The following LRRC8A variants were observed in gnomAD, a reference collection of about 807,000 sequenced individuals.
LRRC8A encodes volume-regulated anion channel subunit LRRC8A.
In LRRC8A, 24 loss-of-function variants were observed where a neutral mutation model predicts 52.5. The observed-to-expected ratio is 0.46, with a 90% CI of 0.33 to 0.64. The LOEUF (loss-of-function observed/expected upper bound fraction) is 0.64. Among genes scored for constraint, LRRC8A ranks in the 30% least tolerant of loss-of-function variants. The probability of loss-of-function intolerance (pLI) is 0.02; values close to 1 mark genes in which losing one functional copy is unlikely to be tolerated. For synonymous variants in LRRC8A, 492 were observed against 494.2 expected (o/e 1.00, Z 0.06); for missense variants, 677 against 1,094.7 (o/e 0.62, Z 5.38).
chr9:128,894,912 A>C (rs1288307252), intron 2 of LRRC8A, among the ~76,000 whole-genome samples: 1 of 152,058 alleles, frequency 6.6e-6, no homozygotes, highest in African/African-American at 2.4e-5. Context: ...TATTAAGTAC[A>C]TTCATATTGT....
At chr9:128,893,212 G>GA (rs2130955913) in intron 2 of LRRC8A, among the ~76,000 whole-genome samples, 1 of 152,224 alleles carries the variant, frequency 6.6e-6, no homozygotes, top group Admixed American at 6.5e-5. Context: ...GGTTCTGCGA[G>GA]TCCTGGGGGG....
chr9:128,908,735 C>T lies in LRRC8A; in HGVS notation c.1571C>T (p.Thr524Met), dbSNP rs572471752. Residue 524 changes from threonine (T) to methionine (M), a missense_variant, in exon 3 of 4, where the codon ACG (threonine) becomes ATG (methionine). Coordinates refer to ENST00000372600, the MANE Select transcript of LRRC8A (RefSeq NM_019594.4). ...SLKTLEELHLTGNLSAENNRY... is the reference protein window; with the variant it reads ...SLKTLEELHLMGNLSAENNRY... ...AAGACACTGGAGGAGCTGCACCTGACGGGCAACCTGAGCGCGGAGAACAAC... is the reference window on the plus strand; with the variant it reads ...AAGACACTGGAGGAGCTGCACCTGATGGGCAACCTGAGCGCGGAGAACAAC... 32 of 1,613,206 alleles carry T rather than the reference C, an allele frequency of 2.0e-5. No individual in the cohort carries two copies. The highest frequency in any genetic ancestry group is 1.8e-5 in the Non-Finnish European group (21 of 1,180,040).
chr9:128,892,492 C>T lies in LRRC8A; in HGVS notation c.-9+6371C>T, dbSNP rs1839663211. Among the ~76,000 whole-genome samples, 1 of 152,172 alleles carries T rather than the reference C, an allele frequency of 6.6e-6. No homozygotes were observed. The highest frequency in any genetic ancestry group is 6.5e-5 in the Admixed American group (1 of 15,286). On this transcript the variant is annotated intron_variant, in intron 2 of 3. Coordinates refer to ENST00000372600, the MANE Select transcript of LRRC8A (RefSeq NM_019594.4). The surrounding 1 kb of genome is among the most constrained non-coding windows in gnomAD (Gnocchi z 5.2). ...CCCGTGCTCCCCTCCCCCTCCAGCC[C>T]TGGCGTCTCCCCTCTTCCTCTCCCC... is the stretch of plus-strand genomic sequence containing the variant.
intron 2 of LRRC8A, among the ~76,000 whole-genome samples, chr9:128,903,697 G>T (rs1840122613): frequency 6.6e-6 from 1 of 151,560 alleles, no homozygotes; most frequent in South Asian, 2.1e-4. Context: ...ACAGGCGTGA[G>T]CCTCTGTGCC....
intron 2 of LRRC8A, among the ~76,000 whole-genome samples, chr9:128,906,724 G>T (rs1169447410): frequency 6.6e-6 from 1 of 152,208 alleles, no homozygotes; most frequent in Non-Finnish European, 1.5e-5. Context: ...GCCCTTTGCT[G>T]CAGCTTTACA....
chr9:128,903,845 T>G (rs1840128654), intron 2 of LRRC8A, among the ~76,000 whole-genome samples: 1 of 152,138 alleles, frequency 6.6e-6, no homozygotes, highest in Middle Eastern at 3.4e-3. Context: ...CCGGCCAACA[T>G]GGCAAAACAC....
chr9:128,886,866 G>A (rs1315223007), intron 2 of LRRC8A, among the ~76,000 whole-genome samples: 1 of 152,198 alleles, frequency 6.6e-6, no homozygotes, highest in Admixed American at 6.6e-5. Flanking sequence ...GGATGCTTAG[G>A]CAGTGGCCAT....
chr9:128,907,261 A>G lies in LRRC8A; in HGVS notation c.97A>G (p.Ile33Val), dbSNP rs1188781434. 9 of 1,614,082 alleles carry G rather than the reference A, an allele frequency of 5.6e-6. No individual in the cohort carries two copies. The highest frequency in any genetic ancestry group is 4.5e-5 in the East Asian group (2 of 44,890). The change falls in exon 3 of 4, where the codon ATC becomes GTC. Residue 33 changes from isoleucine (I) to valine (V), a missense_variant. By Grantham distance (29) the Ile-to-Val change is conservative. Transcript: ENST00000372600. The surrounding 1 kb of genome is among the most constrained non-coding windows in gnomAD (Gnocchi z 9.3). ...GGATGTGTTCACAGACTACATCTCT[A>G]TCGTCATGCTGATGATTGCCGTCTT... ...WWDVFTDYIS[I>V]VMLMIAVFGG... is the part of the protein sequence containing the mutation.
intron 2 of LRRC8A, among the ~76,000 whole-genome samples, chr9:128,901,638 G>A (rs111292514): frequency 2.1e-4 from 32 of 152,132 alleles, no homozygotes; most frequent in African/African-American, 7.2e-4. Context: ...GCAGCCCTGC[G>A]TGGTATCATG....
chr9:128,906,298 TGC>T (rs139610586), intron 2 of LRRC8A, among the ~76,000 whole-genome samples: 49,411 of 147,354 alleles, frequency 0.34, 9,129 homozygotes, highest in African/African-American at 0.5. Flanking sequence ...TGAGCCACCA[TGC>T]CAGCCCCCAT....
rs574185818 is a variant in LRRC8A, at chr9:128,892,795, G to T, written c.-9+6674G>T. ...GGCCTGTTGAGAGCGGCCCCTTCGC[G>T]CTCCCTGGGAGAGCACTGGAGGGCC... On this transcript the variant is annotated intron_variant, in intron 2 of 3. Transcript: ENST00000372600. The surrounding 1 kb of genome is among the most constrained non-coding windows in gnomAD (Gnocchi z 5.2). 5.3e-5 allele frequency among the ~76,000 whole-genome samples: 8 copies of T among 152,144 alleles called. No individual in the cohort carries two copies. Among genetic ancestry groups the T allele is most frequent in the Non-Finnish European group, 1.2e-4 (8 of 68,028 alleles).
rs1389052305 is a variant in LRRC8A at position 128,911,112 on chromosome 9, G to A, written c.2157+1791G>A. Among the ~76,000 whole-genome samples the A allele has an allele frequency of 1.3e-5, 2 of 152,144 alleles. No homozygotes were observed. Among genetic ancestry groups the A allele is most frequent in the Non-Finnish European group, 1.5e-5 (1 of 68,006 alleles). On this transcript the variant is annotated intron_variant, in intron 3 of 3. Transcript: ENST00000372600. The surrounding 1 kb of genome is among the most constrained non-coding windows in gnomAD (Gnocchi z 4.9). ...GTCTGTCTATAGTATCCTCAGGCAC[G>A]GAGGGAGGTGGCCCCTGGAATGCCC...
chr9:128,899,322 G>A lies in LRRC8A; in HGVS notation c.-8-7835G>A, dbSNP rs189743006. Among the ~76,000 whole-genome samples, 315 of 151,986 alleles carry A rather than the reference G, an allele frequency of 2.1e-3. 3 individuals are homozygous for A. The highest frequency in any genetic ancestry group is 3.3e-3 in the Non-Finnish European group (227 of 67,936). On this transcript the variant is annotated intron_variant, in intron 2 of 3. Transcript: ENST00000372600. The surrounding 1 kb of genome is among the most constrained non-coding windows in gnomAD (Gnocchi z 4.0). ...GATAGCCCAGCCACCCCCACCCCAC[G>A]CCTCAAAGGCTCCCTTCCCTTCCGG...
At position 128,907,412 on chromosome 9, in the gene LRRC8A, A is replaced by G. The variant is rs756925249; in HGVS notation, c.248A>G (p.Asn83Ser). ...AAPGPEPTYP[N>S]STILPTPDTG... is the part of the protein sequence containing the mutation. ...CCTGGCCCGGAGCCCACCTACCCCA[A>G]CTCCACCATTCTGCCGACCCCTGAC... The change falls in exon 3 of 4, where the codon AAC becomes AGC. Residue 83 changes from asparagine (N) to serine (S), a missense_variant. Around this residue, in one of 4 missense-constraint regions of LRRC8A, gnomAD observed 54 missense variants for 49.7 expected, o/e 1.09. Transcript: ENST00000372600. This position sits in a 1 kb window ranked among gnomAD's most constrained non-coding sequence, Gnocchi z 9.3. 4 of 1,612,932 alleles carry G rather than the reference A, an allele frequency of 2.5e-6. No individual in the cohort carries two copies. In the South Asian group the frequency reaches 4.4e-5, roughly 18 times the overall value.
chr9:128,905,490 T>A (rs1588216489), intron 2 of LRRC8A, among the ~76,000 whole-genome samples: 1 of 152,328 alleles, frequency 6.6e-6, no homozygotes, highest in Non-Finnish European at 1.5e-5. Flanking sequence ...CTAATGTGGC[T>A]TCTCAGCCAG....
chr9:128,894,373 A>C (rs181489233), intron 2 of LRRC8A, among the ~76,000 whole-genome samples: 1 of 151,912 alleles, frequency 6.6e-6, no homozygotes, highest in African/African-American at 2.4e-5. Flanking sequence ...AGTCCCAGCT[A>C]CTTGGGAGGC....
In LRRC8A at chr9:128,917,005, G is replaced by A. The variant is rs912061687; in HGVS notation, c.*634G>A. On this transcript the variant is annotated 3_prime_UTR_variant, in exon 4 of 4. Coordinates refer to ENST00000372600, the MANE Select transcript of LRRC8A (RefSeq NM_019594.4). ...GCCAGGCCTGGAGCTTGCCTCTTCA[G>A]TATTTGTGGCAGTTTTAGTTTTTTG... 3 of 149,820 alleles carry A rather than the reference G, an allele frequency of 2.0e-5. No individual in the cohort carries two copies. The highest frequency in any genetic ancestry group is 4.4e-5 in the Non-Finnish European group (3 of 67,566). The allele number at this position is 149,820 out of a possible 1,614,324, so 9.3% of individuals were successfully genotyped here. A position where few individuals can be genotyped will look rare whatever the true frequency, so the allele number is the denominator to read the frequency against.
rs1588236610 is a variant in LRRC8A at position 128,916,475 on chromosome 9, C to G, written c.*104C>G. ...AGAACTCCCGGACAGCCAGGACAGC[C>G]TCGTGGCTGGGCAGGAGCCTGGGGC... is the stretch of plus-strand genomic sequence containing the variant. On this transcript the variant is annotated 3_prime_UTR_variant, in exon 4 of 4. Transcript: ENST00000372600. This position sits in a 1 kb window ranked among gnomAD's most constrained non-coding sequence, Gnocchi z 6.1. 1 of 1,401,244 alleles carries G rather than the reference C, an allele frequency of 7.1e-7. No homozygotes were observed. Among genetic ancestry groups the G allele is most frequent in the East Asian group, 2.5e-5 (1 of 40,172 alleles). 86.8% of individuals were successfully genotyped at this position (1,401,244 alleles called of 1,614,324 possible).
Position 128,899,705 on chromosome 9 carries a change from CAG to C in LRRC8A, c.-8-7445_-8-7444del, listed in dbSNP as rs775009833. 1.3e-5 allele frequency among the ~76,000 whole-genome samples: 2 copies of C among 152,042 alleles called. No homozygotes were observed. Among genetic ancestry groups the C allele is most frequent in the Non-Finnish European group, 2.9e-5 (2 of 68,012 alleles). On this transcript the variant is annotated intron_variant, in intron 2 of 3. Coordinates refer to ENST00000372600, the MANE Select transcript of LRRC8A (RefSeq NM_019594.4). The surrounding 1 kb of genome is among the most constrained non-coding windows in gnomAD (Gnocchi z 4.0). ...GAGGTCCCTAGAGAAGTCAGATTGA[CAG>C]AGAGAGGAAGTGGGATGGAGTGCTT...
Sources: allele counts gnomAD v4.1 joint callset (sites outside exome capture counted in the v4.1 genomes callset), GRCh38; gene constraint gnomAD v4.1.1; regional missense constraint gnomAD v4.1.1; non-coding constraint Gnocchi (gnomAD v3.1); transcripts MANE v1.5; gene names NCBI Gene and HGNC (gene_info 2026-07-23, HGNC 2026-07-21).